Variants in TENM2 observed in about 807,000 individuals in gnomAD.
The protein encoded by TENM2 is teneurin transmembrane protein 2.
In TENM2, 52 loss-of-function variants were observed where a neutral mutation model predicts 245.2. The observed-to-expected ratio is 0.21, with a 90% confidence interval of 0.17 to 0.27. The LOEUF (loss-of-function observed/expected upper bound fraction) is 0.27, where lower values mean the gene tolerates loss of function less well. TENM2 is among the 10% of genes least tolerant of loss of function. The pLI is 1.00. For synonymous variants in TENM2, 1,363 were observed against 1,438.9 expected (o/e 0.95, Z 1.19); for missense variants, 3,046 against 3,666.8 (o/e 0.83, Z 4.37).
At chr5:167,604,387 C>T (rs1458814342) in intron 2 of TENM2, among the ~76,000 whole-genome samples, 3 of 152,042 alleles carry the variant, frequency 2.0e-5, no homozygotes, top group African/African-American at 7.2e-5. Context: ...GGCAGTGGGG[C>T]ATTTTTTTCA....
intron 4 of TENM2, among the ~76,000 whole-genome samples, chr5:167,954,366 T>C (rs909540641): frequency 3.9e-5 from 6 of 152,202 alleles, no homozygotes; most frequent in Non-Finnish European, 8.8e-5. Context: ...ATTAAGAATA[T>C]AATTATAATT....
At chr5:167,150,473 G>A in the TENM2 span, among the ~76,000 whole-genome samples, 1 of 152,076 alleles carries the variant, frequency 6.6e-6, no homozygotes, top group Non-Finnish European at 1.5e-5. Context: ...ACATATTAAG[G>A]GTGAGAACAG....
At chr5:167,670,415 T>C (rs913876873) in intron 2 of TENM2, among the ~76,000 whole-genome samples, 1 of 152,210 alleles carries the variant, frequency 6.6e-6, no homozygotes, top group Non-Finnish European at 1.5e-5. Context: ...CTTTTTGTTT[T>C]ATTTTATTAA....
intron 22 of TENM2, 119 bp downstream of exon 24, chr5:168,217,041 CG>C: frequency 8.5e-7 from 1 of 1,177,554 alleles, no homozygotes; most frequent in South Asian, 1.3e-5. Context: ...ATACAGATCA[CG>C]GGGTTGTTTG....
intron 2 of TENM2, among the ~76,000 whole-genome samples, chr5:167,430,302 A>G (rs1025297750): frequency 6.6e-6 from 1 of 152,226 alleles, no homozygotes; most frequent in Non-Finnish European, 1.5e-5. Context: ...ACGATCAATC[A>G]AACTCGTACG....
intron 2 of TENM2, among the ~76,000 whole-genome samples, chr5:167,868,463 G>T (rs1439484381): frequency 6.6e-6 from 1 of 151,934 alleles, no homozygotes; most frequent in African/African-American, 2.4e-5. Context: ...TGCTGACCGG[G>T]TGCAGTGGCT....
chr5:167,063,306 C>T, the TENM2 span, among the ~76,000 whole-genome samples: 2 of 152,092 alleles, frequency 1.3e-5, no homozygotes, highest in South Asian at 4.1e-4. Context: ...AGAACATCCC[C>T]CAAAGCCAAG....
At chr5:168,111,362 G>A (rs879861842) in intron 9 of TENM2, among the ~76,000 whole-genome samples, 2 of 152,130 alleles carry the variant, frequency 1.3e-5, no homozygotes, top group African/African-American at 2.4e-5. Context: ...CTCTCTTCAC[G>A]GGGGTCCTGC....
At chr5:167,926,753 C>A (rs1380375196) in intron 3 of TENM2, among the ~76,000 whole-genome samples, 2 of 150,742 alleles carry the variant, frequency 1.3e-5, no homozygotes, top group Non-Finnish European at 3.0e-5. Context: ...CACACACACA[C>A]ACACACACAC....
the TENM2 span, among the ~76,000 whole-genome samples, chr5:167,030,069 G>T: frequency 6.6e-6 from 1 of 152,096 alleles, no homozygotes; most frequent in East Asian, 1.9e-4. Context: ...GTCAGGGGTC[G>T]ACCAAACATC....
At chr5:167,063,434 C>T in the TENM2 span, among the ~76,000 whole-genome samples, 1 of 152,148 alleles carries the variant, frequency 6.6e-6, no homozygotes, top group Non-Finnish European at 1.5e-5. Context: ...CTTGGAGATT[C>T]CTATTTAGTA....
intron 4 of TENM2, among the ~76,000 whole-genome samples, chr5:167,977,285 A>G (rs1279914391): frequency 6.6e-6 from 1 of 152,298 alleles, no homozygotes; most frequent in East Asian, 1.9e-4. Context: ...ACACGAGTTT[A>G]TCTATATAAC....
At chr5:166,986,941 T>C in the TENM2 span, among the ~76,000 whole-genome samples, 1 of 152,104 alleles carries the variant, frequency 6.6e-6, no homozygotes, top group African/African-American at 2.4e-5. Flanking sequence ...TTGTAATGTA[T>C]ATTTTAAAAG....
At chr5:167,985,596 G>C (rs1783184411) in intron 4 of TENM2, among the ~76,000 whole-genome samples, 1 of 152,178 alleles carries the variant, frequency 6.6e-6, no homozygotes, top group Non-Finnish European at 1.5e-5. Context: ...CGGGGTGAGA[G>C]AGAGAGAGGA....
chr5:167,743,920 A>G (rs1224285313), intron 2 of TENM2, among the ~76,000 whole-genome samples: 1 of 152,196 alleles, frequency 6.6e-6, no homozygotes, highest in Non-Finnish European at 1.5e-5. Context: ...ACAATCCAGG[A>G]ATTATGAAAC....
chr5:167,476,920 G>A (rs1315007556), intron 2 of TENM2, among the ~76,000 whole-genome samples: 1 of 152,058 alleles, frequency 6.6e-6, no homozygotes, highest in Non-Finnish European at 1.5e-5. Flanking sequence ...TCTTTAAAGT[G>A]ACTAAGTCTC....
chr5:168,192,298 A>G (rs533720330), intron 14 of TENM2, among the ~76,000 whole-genome samples: 11 of 152,150 alleles, frequency 7.2e-5, no homozygotes, highest in Non-Finnish European at 1.3e-4. Flanking sequence ...GTAACCGGAA[A>G]CCAGTTGATC....
At chr5:168,093,998 CACATACACATAG>C (rs1335083949) in intron 8 of TENM2, among the ~76,000 whole-genome samples, 1 of 150,970 alleles carries the variant, frequency 6.6e-6, no homozygotes, top group Non-Finnish European at 1.5e-5. Context: ...CACACAGACA[CACATACACATAG>C]ACATACACAT....
chr5:167,519,618 G>T (rs1234578455), intron 2 of TENM2, among the ~76,000 whole-genome samples: 1 of 152,110 alleles, frequency 6.6e-6, no homozygotes, highest in Non-Finnish European at 1.5e-5. Flanking sequence ...AAATTAAGGG[G>T]CTCAGAGATC....
Sources: allele counts gnomAD v4.1 joint callset (sites outside exome capture counted in the v4.1 genomes callset), GRCh38; gene constraint gnomAD v4.1.1; transcripts MANE v1.5; gene names NCBI Gene and HGNC (gene_info 2026-07-23, HGNC 2026-07-21).